Variants in COL26A1 observed in about 807,000 individuals in gnomAD.
The protein encoded by COL26A1 is collagen type XXVI alpha 1 chain, also known as collagen alpha-1(XXVI) chain.
In COL26A1, 41 loss-of-function variants were observed where a neutral mutation model predicts 59.3. The ratio of observed to expected loss-of-function variants is 0.69; its 90% CI spans 0.54 to 0.90. COL26A1 has a LOEUF of 0.90. Ranked by LOEUF, COL26A1 falls within the 40% of genes least tolerant of loss-of-function variation. COL26A1 has a pLI of 0.00. For missense variants in COL26A1, 612 were observed against 602.3 expected, an observed-to-expected ratio of 1.02 and a Z score of -0.17; for synonymous variants, 266 against 256.0, an observed-to-expected ratio of 1.04 and a Z score of -0.37.
At chr7:101,387,765 TATATATATATA>T (rs1331092488) in intron 1 of COL26A1, among the ~76,000 whole-genome samples, 1,989 of 48,924 alleles carry the variant, frequency 0.041, 66 homozygotes, top group South Asian at 0.12. Flanking sequence ...TATATATATA[TATATATATATA>T]TATTTTTTTT....
chr7:101,552,967 C>G lies in COL26A1; in HGVS notation c.1030-359C>G, dbSNP rs553058676. ...TGACTTTGAATCTGGTATTACTGGCCTTGTGTTGGAGACAGACAGCAGCCC... is the reference window on the plus strand; with the variant it reads ...TGACTTTGAATCTGGTATTACTGGCGTTGTGTTGGAGACAGACAGCAGCCC... On this transcript the variant is annotated intron_variant, in intron 10 of 12. Transcript: ENST00000313669. 8.0e-4 allele frequency among the ~76,000 whole-genome samples: 122 copies of G among 152,224 alleles called. 1 individual carries two copies. The highest frequency in any genetic ancestry group is 3.9e-4 in the East Asian group (2 of 5,176).
In COL26A1 at chr7:101,364,572, CTTT is replaced by C. The variant is rs10596691; in HGVS notation, c.158+1396_158+1398del. On this transcript the variant is annotated intron_variant, in intron 1 of 12. Transcript: ENST00000313669. ...AGGACTGACCTCTTGTGCTTTCTTT[CTTT>C]TTTTTTTTTTTTTAATATAGGGTCT... Among the ~76,000 whole-genome samples the C allele has an allele frequency of 4.9e-4, 72 of 146,284 alleles. 1 individual carries two copies. Among genetic ancestry groups the C allele is most frequent in the South Asian group, 3.1e-3 (14 of 4,558 alleles).
chr7:101,469,988 AG>A (rs1793855323), intron 3 of COL26A1, among the ~76,000 whole-genome samples: 1 of 152,172 alleles, frequency 6.6e-6, no homozygotes, highest in Admixed American at 6.6e-5. Context: ...ATGGGCAACT[AG>A]GACACAGACA....
At chr7:101,389,012 CT>C in intron 1 of COL26A1, 2 of 303,368 alleles carry the variant, frequency 6.6e-6, no homozygotes, top group East Asian at 9.5e-5. Context: ...CCTTCTTGGG[CT>C]TTTTAGCCTT....
rs768158234 is a variant in COL26A1 at position 101,549,243 on chromosome 7, A to AGGTAG, written c.993+24_993+28dup. The AGGTAG allele has an allele frequency of 1.9e-6, 3 of 1,591,218 alleles. No homozygotes were observed. In the South Asian group the frequency reaches 3.4e-5, roughly 18 times the overall value. ...TCCCAGGTAAGGACTTTGCCATTTT[A>AGGTAG]GGTAGGGTGTGGGAGGCGGCGGGTG... On this transcript the variant is annotated intron_variant, in intron 9 of 12. Transcript: ENST00000313669.
At chr7:101,547,604 C>T (rs1795765018) in intron 8 of COL26A1, among the ~76,000 whole-genome samples, 1 of 152,234 alleles carries the variant, frequency 6.6e-6, no homozygotes, top group Admixed American at 6.5e-5. Context: ...GGGCTGGGAC[C>T]TGGCTGTCAG....
chr7:101,392,075 G>T (rs10263007), intron 1 of COL26A1, among the ~76,000 whole-genome samples: 9,360 of 152,082 alleles, frequency 0.062, 664 homozygotes, highest in African/African-American at 0.16. Context: ...GCAGGGAAGT[G>T]TATGGGCCTG....
chr7:101,505,094 C>T (rs1188073955), intron 3 of COL26A1, among the ~76,000 whole-genome samples: 1 of 151,822 alleles, frequency 6.6e-6, no homozygotes, highest in Non-Finnish European at 1.5e-5. Flanking sequence ...GCAGAGATGG[C>T]GCTATTGCAC....
At chr7:101,431,086 G>A (rs1053815222) in intron 2 of COL26A1, among the ~76,000 whole-genome samples, 5 of 152,144 alleles carry the variant, frequency 3.3e-5, no homozygotes, top group Non-Finnish European at 7.3e-5. Context: ...ATAGGCATGA[G>A]TCACTGCGCC....
intron 3 of COL26A1, among the ~76,000 whole-genome samples, chr7:101,460,799 GAAAGA>G (rs937727504): frequency 8.8e-5 from 12 of 137,116 alleles, no homozygotes; most frequent in Non-Finnish European, 1.2e-4. Flanking sequence ...AAAAAAAAAA[GAAAGA>G]AAAGAAAACA....
intron 2 of COL26A1, among the ~76,000 whole-genome samples, chr7:101,424,319 C>T (rs916168059): frequency 3.9e-5 from 6 of 152,072 alleles, no homozygotes; most frequent in South Asian, 2.1e-4. Flanking sequence ...GGGAATGGGC[C>T]GGGTGTGGTG....
chr7:101,450,981 TATTC>T (rs1793322662), intron 3 of COL26A1, among the ~76,000 whole-genome samples: 1 of 145,330 alleles, frequency 6.9e-6, no homozygotes, highest in Non-Finnish European at 1.5e-5. Context: ...ATCAAATAAA[TATTC>T]ATATATTGAA....
chr7:101,495,026 C>T (rs950067584), intron 3 of COL26A1, among the ~76,000 whole-genome samples: 4 of 152,268 alleles, frequency 2.6e-5, no homozygotes, highest in East Asian at 3.9e-4. Context: ...GGAGCTGCTG[C>T]GGTTTAAGAA....
chr7:101,383,974 AT>A lies in COL26A1; in HGVS notation c.158+20794del, dbSNP rs56402267. 4.7e-5 allele frequency among the ~76,000 whole-genome samples: 7 copies of A among 149,890 alleles called. No individual in the cohort carries two copies. In the East Asian group the frequency reaches 7.9e-4, roughly 17 times the overall value. ...CATGAGCCGCTGTGCCCAGCCGATAATTTTTTTTTTAAGGAAGGCAATATTT... is the reference window on the plus strand; with the variant it reads ...CATGAGCCGCTGTGCCCAGCCGATAATTTTTTTTTAAGGAAGGCAATATTT... On this transcript the variant is annotated intron_variant, in intron 1 of 12. Transcript: ENST00000313669.
intron 3 of COL26A1, among the ~76,000 whole-genome samples, chr7:101,508,416 G>C (rs1470601830): frequency 6.6e-6 from 1 of 151,932 alleles, no homozygotes; most frequent in Non-Finnish European, 1.5e-5. Flanking sequence ...CTCCTCAGGA[G>C]GCTGAGGTGG....
At chr7:101,526,302 A>G (rs1562789542) in intron 3 of COL26A1, among the ~76,000 whole-genome samples, 4 of 152,010 alleles carry the variant, frequency 2.6e-5, no homozygotes, top group African/African-American at 9.6e-5. Context: ...ACCCACCTCA[A>G]CTGCCCAAAG....
intron 3 of COL26A1, among the ~76,000 whole-genome samples, chr7:101,527,285 A>G (rs1272739325): frequency 6.7e-6 from 1 of 148,938 alleles, no homozygotes; most frequent in Non-Finnish European, 1.5e-5. Flanking sequence ...CTCTCTCTCT[A>G]TGTCTCTGTC....
intron 3 of COL26A1, among the ~76,000 whole-genome samples, chr7:101,494,412 C>T (rs537412599): frequency 6.6e-6 from 1 of 152,350 alleles, no homozygotes; most frequent in South Asian, 2.1e-4. Flanking sequence ...CAGATGTGAG[C>T]CACTGCGCCT....
chr7:101,407,276 T>C (rs2130226334), intron 1 of COL26A1, among the ~76,000 whole-genome samples: 1 of 152,248 alleles, frequency 6.6e-6, no homozygotes, highest in African/African-American at 2.4e-5. Flanking sequence ...TACAGGATGT[T>C]GGGGCAGAAA....
Sources: allele counts gnomAD v4.1 joint callset (sites outside exome capture counted in the v4.1 genomes callset), GRCh38; gene constraint gnomAD v4.1.1; transcripts MANE v1.5; gene names NCBI Gene and HGNC (gene_info 2026-07-23, HGNC 2026-07-21).